Variants in MRPL52 observed in about 807,000 individuals in gnomAD.
MRPL52 encodes the protein mitochondrial ribosomal protein L52.
In MRPL52, 19 loss-of-function variants were observed where a neutral mutation model predicts 22.1. The ratio of observed to expected loss-of-function variants is 0.86; its 90% CI spans 0.60 to 1.26. The LOEUF (loss-of-function observed/expected upper bound fraction) is 1.26. MRPL52 is among the 50% of genes most tolerant of loss of function. The pLI is 0.00. For synonymous variants in MRPL52, 50 were observed against 57.5 expected (o/e 0.87, Z 0.59); for missense variants, 152 against 148.1 (o/e 1.03, Z -0.14).
intron 3 of MRPL52, chr14:22,831,281 T>TA: frequency 2.5e-6 from 1 of 396,970 alleles, no homozygotes; most frequent in Non-Finnish European, 4.5e-6. Context: ...CCTGGCTAAT[T>TA]TTTTTTTTTA....
At chr14:22,832,380 G>A (rs764854260) in intron 3 of MRPL52, among the ~76,000 whole-genome samples, 20 of 151,824 alleles carry the variant, frequency 1.3e-4, no homozygotes, top group Non-Finnish European at 1.6e-4. Context: ...AGGCTCTGTC[G>A]CCCAGGCTGG....
At chr14:22,830,316 G>T in intron 3 of MRPL52, 62 bp downstream of exon 3, 2 of 1,572,598 alleles carry the variant, frequency 1.3e-6, no homozygotes, top group Non-Finnish European at 1.8e-6. Flanking sequence ...GAACGCCCCT[G>T]GACGGGGAGC....
At chr14:22,830,933 G>A in intron 3 of MRPL52, 1 of 1,437,808 alleles carries the variant, frequency 7.0e-7, no homozygotes, top group Non-Finnish European at 9.4e-7. Context: ...ACAGAGATCT[G>A]AATATTTAAT....
intron 3 of MRPL52, among the ~76,000 whole-genome samples, chr14:22,832,975 C>G (rs984084181): frequency 1.3e-5 from 2 of 151,894 alleles, no homozygotes; most frequent in African/African-American, 4.8e-5. Context: ...GTCAAGAGAT[C>G]GAGACTATCC....
chr14:22,830,978 TTAATTGGA>T, intron 3 of MRPL52: 1 of 1,533,610 alleles, frequency 6.5e-7, no homozygotes, highest in Admixed American at 2.0e-5. Flanking sequence ...ATGATCCTGC[TTAATTGGA>T]TAATTGGTGA....
At chr14:22,829,963 C>G (rs1188943263) in intron 1 of MRPL52, 23 bp downstream of exon 1, 1 of 1,611,574 alleles carries the variant, frequency 6.2e-7, no homozygotes, top group East Asian at 2.2e-5. Context: ...AGATAGGGAC[C>G]GTGGACTCGG....
intron 3 of MRPL52, 87 bp from the exon 4 acceptor site, chr14:22,833,331 G>C: frequency 1.2e-6 from 1 of 832,544 alleles, no homozygotes; most frequent in Non-Finnish European, 2.1e-6. Flanking sequence ...CTAGAGATTG[G>C]TTCTTCCCTT....
chr14:22,830,713 C>T, intron 3 of MRPL52: 1 of 424,278 alleles, frequency 2.4e-6, no homozygotes, highest in Non-Finnish European at 4.2e-6. Flanking sequence ...AATTCTTTTA[C>T]CTTTACTTAC....
intron 4 of MRPL52, 96 bp from the exon 5 acceptor site, chr14:22,834,076 T>C (rs1221611161): frequency 1.4e-6 from 2 of 1,415,254 alleles, no homozygotes; most frequent in African/African-American, 1.4e-5. Context: ...GCAGCGTCAT[T>C]TTCCAGATGA....
At chr14:22,830,977 C>CT in intron 3 of MRPL52, 1 of 1,533,002 alleles carries the variant, frequency 6.5e-7, no homozygotes, top group Non-Finnish European at 8.7e-7. Flanking sequence ...TATGATCCTG[C>CT]TTAATTGGAT....
chr14:22,829,989 G>A (rs1177552352), intron 1 of MRPL52, 49 bp downstream of exon 1: 3 of 1,612,730 alleles, frequency 1.9e-6, no homozygotes, highest in African/African-American at 2.7e-5. Flanking sequence ...CTTTGGGGAC[G>A]GGCACAGGAC....
chr14:22,833,142 C>T lies in MRPL52; in HGVS notation c.155-276C>T. ...GCAGTGAGCTGAGATTGCACCACTGCACTCCTACCTGGCAACAGAGCGAGA... is the reference window on the plus strand; with the variant it reads ...GCAGTGAGCTGAGATTGCACCACTGTACTCCTACCTGGCAACAGAGCGAGA... On this transcript the variant is annotated intron_variant, in intron 3 of 4. Coordinates refer to ENST00000397496, the MANE Select transcript of MRPL52 (RefSeq NM_180982.3). 1.9e-5 allele frequency: 5 copies of T among 263,406 alleles called. No homozygotes were observed. The South Asian group carries it at 2.1e-4, about 11-fold the overall frequency. The allele number at this position is 263,406 out of a possible 1,614,324, so 16.3% of individuals were successfully genotyped here. A position where few individuals can be genotyped will look rare whatever the true frequency, so the allele number is the denominator to read the frequency against.
At chr14:22,831,105 G>GTTTTTTTTTTTT (rs1566474798) in intron 3 of MRPL52, 2 of 101,214 alleles carry the variant, frequency 2.0e-5, no homozygotes, top group African/African-American at 1.3e-4. Context: ...ACATATGACT[G>GTTTTTTTTTTTT]CTTTTTTTTT....
intron 3 of MRPL52, chr14:22,830,517 G>C (rs1041808431): frequency 3.9e-6 from 2 of 508,578 alleles, no homozygotes; most frequent in Non-Finnish European, 6.9e-6. Context: ...GTGGAAGGGG[G>C]TGACAAGACT....
chr14:22,834,314 G>A lies in MRPL52; in HGVS notation c.362G>A (p.Ser121Asn), dbSNP rs1285167472. 2 of 1,609,920 alleles carry A rather than the reference G, an allele frequency of 1.2e-6. No homozygotes were observed. Among genetic ancestry groups the A allele is most frequent in the South Asian group, 2.2e-5 (2 of 90,382 alleles). Reference sequence around the variant, plus strand: ...GCTTCACTGAAGAGCCCACTTCCAAGTCAATAAAAAGCAACTCCTGCCTCC... The same window carrying A: ...GCTTCACTGAAGAGCCCACTTCCAAATCAATAAAAAGCAACTCCTGCCTCC... ...KGASLKSPLP[S>N]Q Residue 121 changes from serine (S) to asparagine (N), a missense_variant, in exon 5 of 5, where the codon AGT (serine) becomes AAT (asparagine). Physicochemically the swap from Ser to Asn is conservative, Grantham distance 46 (BLOSUM62 1). Transcript: ENST00000397496.
intron 3 of MRPL52, among the ~76,000 whole-genome samples, chr14:22,833,013 A>G (rs1368813404): frequency 6.6e-6 from 1 of 151,818 alleles, no homozygotes; most frequent in Non-Finnish European, 1.5e-5. Context: ...TCCCGTCTCT[A>G]CTAAAAATAC....
chr14:22,831,106 C>CTGTTT, intron 3 of MRPL52: 1 of 164,932 alleles, frequency 6.1e-6, no homozygotes, highest in South Asian at 4.0e-5. Context: ...CATATGACTG[C>CTGTTT]TTTTTTTTTT....
At chr14:22,831,256 G>T in intron 3 of MRPL52, 1 of 473,160 alleles carries the variant, frequency 2.1e-6, no homozygotes, top group Non-Finnish European at 3.7e-6. Flanking sequence ...GGGACCACAG[G>T]CACACACCAC....
intron 1 of MRPL52, 53 bp from the exon 2 acceptor site, chr14:22,830,000 C>T (rs1166078337): frequency 6.2e-7 from 1 of 1,613,448 alleles, no homozygotes; most frequent in Admixed American, 1.7e-5. Flanking sequence ...GGCACAGGAC[C>T]CCTGATCCGG....
Sources: gnomAD v4.1 joint callset for allele counts (sites outside exome capture counted in the v4.1 genomes callset) on GRCh38, gnomAD v4.1.1 for gene constraint, MANE v1.5 for transcripts, NCBI Gene and HGNC (gene_info 2026-07-23, HGNC 2026-07-21) for gene names.